Variants in BMERB1 observed in about 807,000 individuals in gnomAD.
BMERB1 encodes the protein bMERB domain containing 1.
In BMERB1, 12 loss-of-function variants were observed where a neutral mutation model predicts 23.6. The observed-to-expected ratio is 0.51, with a 90% CI of 0.33 to 0.82. The LOEUF is 0.82. Ranked by LOEUF, BMERB1 falls within the 40% of genes least tolerant of loss-of-function variation. BMERB1 has a pLI of 0.03. For synonymous variants in BMERB1, 122 were observed against 96.6 expected (o/e 1.26, Z -1.54); for missense variants, 247 against 255.4 (o/e 0.97, Z 0.22).
chr16:15,538,716 A>G (rs2052051161), intron 2 of BMERB1, among the ~76,000 whole-genome samples: 1 of 152,166 alleles, frequency 6.6e-6, no homozygotes, highest in African/African-American at 2.4e-5. Flanking sequence ...TGGAGGAGTG[A>G]GCCCTCTCAC....
intron 1 of BMERB1, among the ~76,000 whole-genome samples, chr16:15,455,701 A>G (rs1239541414): frequency 6.6e-6 from 1 of 152,096 alleles, no homozygotes; most frequent in African/African-American, 2.4e-5. Flanking sequence ...ACCTCAGGTG[A>G]TCCACCAGCC....
chr16:15,506,022 G>A lies in BMERB1; in HGVS notation c.107-9283G>A, dbSNP rs74871042. ...CTGTTTTGTAGCTCTTTTGACCTTAGAGCATGGGCATTGGGATCAGATAGA... is the reference window on the plus strand; with the variant it reads ...CTGTTTTGTAGCTCTTTTGACCTTAAAGCATGGGCATTGGGATCAGATAGA... On this transcript the variant is annotated intron_variant, in intron 1 of 5. Transcript: ENST00000300006. Among the ~76,000 whole-genome samples, 505 of 152,164 alleles carry A rather than the reference G, an allele frequency of 3.3e-3. 2 individuals carry two copies. The highest frequency in any genetic ancestry group is 9.9e-3 in the African/African-American group (412 of 41,512).
chr16:15,519,095 ACACACACACACACG>A (rs539637955), intron 2 of BMERB1, among the ~76,000 whole-genome samples: 1,632 of 149,982 alleles, frequency 0.011, 19 homozygotes, highest in Non-Finnish European at 0.019. Flanking sequence ...ACACACACAC[ACACACACACACACG>A]TGAGACACTC....
intron 1 of BMERB1, among the ~76,000 whole-genome samples, chr16:15,435,479 C>A (rs1369457832): frequency 6.6e-6 from 1 of 152,180 alleles, no homozygotes; most frequent in African/African-American, 2.4e-5. Context: ...TAATAGGATA[C>A]AATAGTTGAA....
Position 15,497,802 on chromosome 16 carries a change from C to T in BMERB1, c.107-17503C>T, listed in dbSNP as rs190374348. On this transcript the variant is annotated intron_variant, in intron 1 of 5. Coordinates refer to ENST00000300006, the MANE Select transcript of BMERB1 (RefSeq NM_033201.3). ...GGATGGCGGGATAATCCCCATTGTG[C>T]CCCCTCATCATTAGCCACAGTACTT... Among the ~76,000 whole-genome samples, 21 of 152,282 alleles carry T rather than the reference C, an allele frequency of 1.4e-4. No individual in the cohort carries two copies. The East Asian group carries it at 3.1e-3, about 22-fold the overall frequency.
intron 3 of BMERB1, among the ~76,000 whole-genome samples, chr16:15,579,238 C>A (rs1043319743): frequency 4.6e-5 from 7 of 152,086 alleles, no homozygotes; most frequent in African/African-American, 1.7e-4. Flanking sequence ...GAGCAGGGGT[C>A]CTGGTGAGTC....
At chr16:15,496,252 T>C (rs2051472550) in intron 1 of BMERB1, among the ~76,000 whole-genome samples, 1 of 152,122 alleles carries the variant, frequency 6.6e-6, no homozygotes, top group Non-Finnish European at 1.5e-5. Flanking sequence ...ATGATTATGA[T>C]AGTGATAGTG....
chr16:15,541,785 G>A (rs2052084590), intron 2 of BMERB1, among the ~76,000 whole-genome samples: 1 of 151,322 alleles, frequency 6.6e-6, no homozygotes, highest in Non-Finnish European at 1.5e-5. Context: ...TGTATTTTTG[G>A]TAGAGGTGGG....
At chr16:15,505,019 C>T (rs558641053) in intron 1 of BMERB1, among the ~76,000 whole-genome samples, 17 of 152,106 alleles carry the variant, frequency 1.1e-4, no homozygotes, top group Non-Finnish European at 2.4e-4. Context: ...TGGCTGATTC[C>T]TCTTTGAGTA....
At chr16:15,456,889 A>G (rs1399245602) in intron 1 of BMERB1, among the ~76,000 whole-genome samples, 2 of 152,160 alleles carry the variant, frequency 1.3e-5, no homozygotes, top group Middle Eastern at 3.4e-3. Context: ...GCAATGGCGC[A>G]ATCTCGGCTC....
intron 1 of BMERB1, among the ~76,000 whole-genome samples, chr16:15,487,518 T>G (rs2051378489): frequency 6.6e-6 from 1 of 152,126 alleles, no homozygotes; most frequent in Admixed American, 6.6e-5. Context: ...CAAGAGAGGA[T>G]TCTTAGATAT....
chr16:15,467,919 T>C (rs2150930403), intron 1 of BMERB1, among the ~76,000 whole-genome samples: 1 of 152,142 alleles, frequency 6.6e-6, no homozygotes, highest in East Asian at 1.9e-4. Context: ...GATTCAAAGA[T>C]TTTCTGACTG....
In BMERB1 at chr16:15,583,213, A is replaced by C. The variant is rs757176969; in HGVS notation, c.477A>C (p.Leu159=). 1.2e-6 allele frequency: 2 copies of C among 1,612,738 alleles called. No homozygotes were observed. The highest frequency in any genetic ancestry group is 2.2e-5 in the South Asian group (2 of 91,054). Residue 159 remains leucine (L), a synonymous_variant, in exon 5 of 6, where the codon CTA becomes CTC. Transcript: ENST00000300006. ...ADFLRIKLKP[L]DKVTKSPASS... The stretch of plus-strand genomic sequence containing the variant: ...TCCTGAGAATCAAGTTAAAACCTCT[A>C]GACAAAGTAACCAAATCTCCAGCCA...
chr16:15,556,344 C>T (rs2030258215), intron 2 of BMERB1, among the ~76,000 whole-genome samples: 1 of 152,020 alleles, frequency 6.6e-6, no homozygotes, highest in Non-Finnish European at 1.5e-5. Context: ...AAACCGTGGG[C>T]TGCCTGCACC....
chr16:15,478,599 G>A (rs75248767), intron 1 of BMERB1, among the ~76,000 whole-genome samples: 1,677 of 152,288 alleles, frequency 0.011, 19 homozygotes, highest in Non-Finnish European at 0.019. Flanking sequence ...TCAGGAGGAC[G>A]ATGAGGTCAA....
At chr16:15,525,482 T>C (rs1032190253) in intron 2 of BMERB1, among the ~76,000 whole-genome samples, 1 of 152,192 alleles carries the variant, frequency 6.6e-6, no homozygotes, top group Middle Eastern at 3.4e-3. Flanking sequence ...GGTGGGCAGA[T>C]CATTTGAGGT....
chr16:15,493,643 G>A (rs2051443799), intron 1 of BMERB1, among the ~76,000 whole-genome samples: 2 of 151,862 alleles, frequency 1.3e-5, no homozygotes, highest in South Asian at 2.1e-4. Flanking sequence ...AACTGGACCC[G>A]TTCACGCCTG....
chr16:15,456,511 A>G (rs1425155459), intron 1 of BMERB1, among the ~76,000 whole-genome samples: 1 of 151,874 alleles, frequency 6.6e-6, no homozygotes, highest in Non-Finnish European at 1.5e-5. Context: ...TACTTTTTGT[A>G]TTTTTTAGTA....
rs372556124 is a variant in BMERB1 at position 15,451,513 on chromosome 16, C to T, written c.106+16754C>T. On this transcript the variant is annotated intron_variant, in intron 1 of 5. Coordinates refer to ENST00000300006, the MANE Select transcript of BMERB1 (RefSeq NM_033201.3). The stretch of plus-strand genomic sequence containing the variant: ...TGTCCAACGTTTGTTTTACTTATGC[C>T]TATGTGTGTATGTACATACTGGGTC... Among the ~76,000 whole-genome samples the T allele has an allele frequency of 1.1e-4, 16 of 149,138 alleles. 1 individual carries two copies. The South Asian group carries it at 3.2e-3, about 30-fold the overall frequency.
Sources: gnomAD v4.1 joint callset for allele counts (sites outside exome capture counted in the v4.1 genomes callset) on GRCh38, gnomAD v4.1.1 for gene constraint, MANE v1.5 for transcripts, NCBI Gene and HGNC (gene_info 2026-07-23, HGNC 2026-07-21) for gene names.